Variants in PCDH7 observed in about 807,000 individuals in gnomAD.
PCDH7 encodes the protein protocadherin 7, also known as protocadherin-7.
PCDH7 carries 17 observed loss-of-function variants against 58.9 expected under a neutral mutation model. The ratio of observed to expected loss-of-function variants is 0.29; its 90% CI spans 0.20 to 0.43. The LOEUF (loss-of-function observed/expected upper bound fraction) is 0.43, where lower values mean the gene tolerates loss of function less well. Among genes scored for constraint, PCDH7 ranks in the 20% least tolerant of loss-of-function variants. The pLI, the probability that PCDH7 is intolerant of heterozygous loss-of-function variation, is 1.00. For synonymous variants in PCDH7, 664 were observed against 616.4 expected, an observed-to-expected ratio of 1.08 and a Z score of -1.14; for missense variants, 1,274 against 1,441.0, an observed-to-expected ratio of 0.88 and a Z score of 1.88.
At chr4:30,894,480 A>AT (rs1485550529) in intron 1 of PCDH7, among the ~76,000 whole-genome samples, 22 of 55,232 alleles carry the variant, frequency 4.0e-4, no homozygotes, top group African/African-American at 1.5e-3. Context: ...AAAAAAAAAA[A>AT]AAAAAAAAAA....
chr4:30,902,604 T>A (rs1390676137), intron 1 of PCDH7, among the ~76,000 whole-genome samples: 2 of 152,082 alleles, frequency 1.3e-5, no homozygotes, highest in Non-Finnish European at 2.9e-5. Flanking sequence ...AGTGTTATCA[T>A]TTTAGTGCTT....
At chr4:30,794,217 A>G (rs1266462763) in intron 1 of PCDH7, among the ~76,000 whole-genome samples, 1 of 152,182 alleles carries the variant, frequency 6.6e-6, no homozygotes, top group East Asian at 1.9e-4. Flanking sequence ...ACTATAAAAA[A>G]CAGCAAACCT....
At chr4:30,979,750 T>A (rs1056614042) in intron 3 of PCDH7, among the ~76,000 whole-genome samples, 2 of 152,062 alleles carry the variant, frequency 1.3e-5, no homozygotes, top group Non-Finnish European at 2.9e-5. Flanking sequence ...AGGGACTACA[T>A]CATTACTGTT....
In PCDH7 at chr4:30,920,029, A is replaced by T. The variant is rs1560501410; in HGVS notation, c.71-124A>T. ...TAGTTAACTAATGCAGTTTCAACAT[A>T]TCTATTCATTTTGTATTGAATTAGT... On this transcript the variant is annotated intron_variant, in intron 1 of 3. Transcript: ENST00000509759. 9 of 565,416 alleles carry T rather than the reference A, an allele frequency of 1.6e-5. No homozygotes were observed. The South Asian group carries it at 1.7e-4, about 11-fold the overall frequency. The allele number at this position is 565,416 out of a possible 1,614,324, so 35.0% of individuals were successfully genotyped here.
intron 3 of PCDH7, among the ~76,000 whole-genome samples, chr4:30,962,159 A>C (rs1178263128): frequency 6.6e-6 from 1 of 152,180 alleles, no homozygotes; most frequent in East Asian, 1.9e-4. Context: ...GTTTGAATTG[A>C]ATTCTTTCTT....
intron 2 of PCDH7, among the ~76,000 whole-genome samples, chr4:30,936,842 G>A (rs914202102): frequency 1.3e-5 from 2 of 151,970 alleles, no homozygotes; most frequent in African/African-American, 4.8e-5. Context: ...AGTATCATGA[G>A]CCAATTAAAG....
chr4:30,778,291 A>G (rs1722337574), intron 1 of PCDH7, among the ~76,000 whole-genome samples: 1 of 152,172 alleles, frequency 6.6e-6, no homozygotes, highest in South Asian at 2.1e-4. Flanking sequence ...ATAATACAAA[A>G]GAGCAAAAGA....
At chr4:31,109,988 A>G (rs750433527) in intron 3 of PCDH7, among the ~76,000 whole-genome samples, 11 of 152,216 alleles carry the variant, frequency 7.2e-5, no homozygotes, top group Non-Finnish European at 1.2e-4. Flanking sequence ...TGAATGCTCA[A>G]TATTATTAAT....
chr4:30,823,388 A>G (rs1314108186), intron 1 of PCDH7, among the ~76,000 whole-genome samples: 5 of 152,108 alleles, frequency 3.3e-5, no homozygotes, highest in African/African-American at 7.2e-5. Context: ...CGTCACCGGT[A>G]CTTTTTGCAG....
At chr4:30,909,811 A>T (rs1301845965) in intron 1 of PCDH7, among the ~76,000 whole-genome samples, 1 of 152,216 alleles carries the variant, frequency 6.6e-6, no homozygotes, top group Non-Finnish European at 1.5e-5. Flanking sequence ...TCTTCACAGC[A>T]TTAGAAAAAA....
At chr4:30,923,330 T>C (rs570777860) in intron 2 of PCDH7, among the ~76,000 whole-genome samples, 1 of 152,250 alleles carries the variant, frequency 6.6e-6, no homozygotes, top group South Asian at 2.1e-4. Context: ...TAAAAATACA[T>C]TTTCACAAAT....
At chr4:30,801,004 G>A (rs1427433406) in intron 1 of PCDH7, among the ~76,000 whole-genome samples, 2 of 152,210 alleles carry the variant, frequency 1.3e-5, no homozygotes, top group Non-Finnish European at 2.9e-5. Context: ...GAAAGCTCTG[G>A]AAGGAGGGAT....
downstream of PCDH7, among the ~76,000 whole-genome samples, chr4:30,734,219 A>G (rs1382004659): frequency 6.6e-6 from 1 of 151,282 alleles, no homozygotes; most frequent in African/African-American, 2.4e-5. Flanking sequence ...TTTTTAGAAA[A>G]TGTATTAATT....
chr4:30,722,813 G>C lies in PCDH7; in HGVS notation c.1391G>C (p.Gly464Ala). Residue 464 changes from glycine to alanine, a missense_variant, in exon 1 of 2, where the codon GGC (glycine) becomes GCC (alanine). Physicochemically the swap from Gly to Ala is moderately conservative, Grantham distance 60. Coordinates refer to ENST00000361762, the Ensembl canonical transcript of PCDH7. This position sits in a 1 kb window ranked among gnomAD's most constrained non-coding sequence, Gnocchi z 7.6. ...GGGGTGGTCACCTGCACCGTGGTGG[G>C]CGACGTGCCCTTCCAGCTCAAGCCA... The C allele has an allele frequency of 6.2e-7, 1 of 1,613,646 alleles. No individual in the cohort carries two copies. Among genetic ancestry groups the C allele is most frequent in the Non-Finnish European group, 8.5e-7 (1 of 1,180,032 alleles).
At chr4:31,039,628 T>A (rs1375238816) in intron 3 of PCDH7, among the ~76,000 whole-genome samples, 1 of 152,180 alleles carries the variant, frequency 6.6e-6, no homozygotes, top group Non-Finnish European at 1.5e-5. Flanking sequence ...TAGCCACTGC[T>A]GACTAACCCC....
intron 1 of PCDH7, among the ~76,000 whole-genome samples, chr4:30,868,007 A>G (rs1405128168): frequency 2.0e-5 from 3 of 152,086 alleles, no homozygotes; most frequent in Non-Finnish European, 2.9e-5. Context: ...ATTTGAAGCC[A>G]CATTAGTTAT....
chr4:31,130,104 T>A (rs1718796173), intron 3 of PCDH7, among the ~76,000 whole-genome samples: 1 of 152,184 alleles, frequency 6.6e-6, no homozygotes, highest in Non-Finnish European at 1.5e-5. Context: ...ACACTGCTTC[T>A]TAGATGTTAC....
chr4:31,051,173 G>A (rs1379202012), intron 3 of PCDH7, among the ~76,000 whole-genome samples: 1 of 152,028 alleles, frequency 6.6e-6, no homozygotes, highest in Non-Finnish European at 1.5e-5. Flanking sequence ...AAGCAAACAT[G>A]CCTTGTCTAT....
intron 1 of PCDH7, among the ~76,000 whole-genome samples, chr4:30,763,942 A>G (rs1343582540): frequency 1.3e-5 from 2 of 152,194 alleles, no homozygotes; most frequent in African/African-American, 4.8e-5. Context: ...AAGAGGTGCT[A>G]CCAAATGTAT....
Sources: gnomAD v4.1 joint callset for allele counts (sites outside exome capture counted in the v4.1 genomes callset) on GRCh38, gnomAD v4.1.1 for gene constraint, Gnocchi (gnomAD v3.1) non-coding constraint, MANE v1.5 for transcripts, NCBI Gene and HGNC (gene_info 2026-07-23, HGNC 2026-07-21) for gene names.